TASP1: variants seen among roughly 807,000 people sequenced by gnomAD.
The protein encoded by TASP1 is threonine aspartase 1.
Under a neutral mutation model 56.6 loss-of-function variants are expected in TASP1, and 16 were observed. The ratio of observed to expected loss-of-function variants is 0.28; its 90% CI spans 0.19 to 0.43. The LOEUF is 0.43. Among genes scored for constraint, TASP1 ranks in the 20% least tolerant of loss-of-function variants. The pLI, the probability that TASP1 is intolerant of heterozygous loss-of-function variation, is 1.00. For missense variants in TASP1, 393 were observed against 511.6 expected (o/e 0.77, Z 2.24); for synonymous variants, 179 against 184.2 (o/e 0.97, Z 0.23).
At chr20:13,240,574 A>C in the TASP1 span, among the ~76,000 whole-genome samples, 5 of 152,350 alleles carry the variant, frequency 3.3e-5, no homozygotes, top group South Asian at 4.1e-4. Flanking sequence ...GAACTTGCAG[A>C]AAAAAGCAAG....
At chr20:13,636,936 C>T (rs2049332117) in intron 1 of TASP1, among the ~76,000 whole-genome samples, 1 of 152,028 alleles carries the variant, frequency 6.6e-6, no homozygotes, top group South Asian at 2.1e-4. Flanking sequence ...ATAAAGGACA[C>T]CATTCAAGAA....
At chr20:13,359,838 C>A in the TASP1 span, among the ~76,000 whole-genome samples, 18 of 151,798 alleles carry the variant, frequency 1.2e-4, no homozygotes, top group East Asian at 3.5e-3. Context: ...CCTCTTCTAT[C>A]CCCCACCTTA....
chr20:13,522,467 T>C (rs1023310935), intron 10 of TASP1, among the ~76,000 whole-genome samples: 1 of 151,988 alleles, frequency 6.6e-6, no homozygotes, highest in African/African-American at 2.4e-5. Context: ...TGTTGGTGAA[T>C]TGGATGTGCG....
rs547144352 is a variant in TASP1, at chr20:13,391,475, T to C, written c.1171-1023A>G. ...AACTTCACGCAATCCTCTCTACTTG[T>C]TCTCTAAACGAGCTTTTCCTAAGTA... On this transcript the variant is annotated intron_variant, in intron 13 of 13. Coordinates refer to ENST00000337743, the MANE Select transcript of TASP1 (RefSeq NM_017714.3). 5.6e-4 allele frequency among the ~76,000 whole-genome samples: 85 copies of C among 152,284 alleles called. 1 individual carries two copies. Among genetic ancestry groups the C allele is most frequent in the Middle Eastern group, 3.4e-3 (1 of 294 alleles).
intron 8 of TASP1, among the ~76,000 whole-genome samples, chr20:13,545,828 TG>T (rs568447576): frequency 9.9e-5 from 15 of 152,152 alleles, no homozygotes; most frequent in Non-Finnish European, 1.8e-4. Context: ...CTCATCCATT[TG>T]CAGGCCTCTG....
intron 11 of TASP1, among the ~76,000 whole-genome samples, chr20:13,455,993 G>A (rs2043819133): frequency 6.6e-6 from 1 of 152,138 alleles, no homozygotes; most frequent in African/African-American, 2.4e-5. Flanking sequence ...CAAGAGCAGA[G>A]CTTTCAATGG....
the TASP1 span, among the ~76,000 whole-genome samples, chr20:13,307,938 G>A: frequency 6.6e-6 from 1 of 152,174 alleles, no homozygotes; most frequent in Non-Finnish European, 1.5e-5. Context: ...ATTTCCATGG[G>A]GAGTGGAATT....
rs140968748 is a variant in TASP1, at chr20:13,480,852, T to G, written c.985+2375A>C. ...GGTACACAGTAGGTATACGTATTTA[T>G]GAGGTACCTGAGATGTTTTGATACA... On this transcript the variant is annotated intron_variant, in intron 11 of 13. Transcript: ENST00000337743. Among the ~76,000 whole-genome samples, 24 of 152,290 alleles carry G rather than the reference T, an allele frequency of 1.6e-4. 1 individual carries two copies. In the East Asian group the frequency reaches 4.6e-3, roughly 29 times the overall value.
chr20:13,263,422 C>T, the TASP1 span, among the ~76,000 whole-genome samples: 1 of 151,928 alleles, frequency 6.6e-6, no homozygotes, highest in Non-Finnish European at 1.5e-5. Context: ...TTCTAGAAAG[C>T]CGATTTTATG....
the TASP1 span, among the ~76,000 whole-genome samples, chr20:13,174,543 T>A: frequency 1.6e-4 from 24 of 151,956 alleles, 1 homozygote; most frequent in South Asian, 3.5e-3. Flanking sequence ...ACAAAAAATT[T>A]AAAAAATTAG....
the TASP1 span, among the ~76,000 whole-genome samples, chr20:13,118,448 G>GAAAAAAAA: frequency 9.3e-4 from 101 of 108,704 alleles, no homozygotes; most frequent in Non-Finnish European, 1.2e-3. Flanking sequence ...AGAGGTTTGT[G>GAAAAAAAA]GAAAAAAAAA....
At chr20:13,333,754 G>A in the TASP1 span, among the ~76,000 whole-genome samples, 6 of 152,120 alleles carry the variant, frequency 3.9e-5, no homozygotes, top group African/African-American at 1.4e-4. Flanking sequence ...TTCTTGCTTC[G>A]TTTTTATTAC....
chr20:13,486,116 T>C (rs1358181053), intron 10 of TASP1, among the ~76,000 whole-genome samples: 4 of 152,194 alleles, frequency 2.6e-5, no homozygotes, highest in African/African-American at 9.6e-5. Flanking sequence ...TCCTGTAGGT[T>C]CCAATCAAAG....
chr20:13,110,109 A>AAGACACAC, the TASP1 span: 3 of 1,597,746 alleles, frequency 1.9e-6, no homozygotes, highest in Non-Finnish European at 2.6e-6. Context: ...GTATTATTTA[A>AAGACACAC]AGACACACAA....
At chr20:13,389,331 T>A (rs1476000470), downstream of TASP1, 1 of 152,180 alleles carries the variant, frequency 6.6e-6, no homozygotes, top group Non-Finnish European at 1.5e-5. Flanking sequence ...AACAGCAAGA[T>A]GGATAATGGT....
chr20:13,477,729 A>C (rs1353267196), intron 11 of TASP1, among the ~76,000 whole-genome samples: 1 of 152,196 alleles, frequency 6.6e-6, no homozygotes, highest in Non-Finnish European at 1.5e-5. Context: ...CACTTAACTA[A>C]GCATTCAGTC....
the TASP1 span, among the ~76,000 whole-genome samples, chr20:13,327,212 T>C: frequency 1.3e-5 from 2 of 151,936 alleles, no homozygotes; most frequent in Non-Finnish European, 2.9e-5. Flanking sequence ...CCATTGACAA[T>C]TGCTACAAAA....
At chr20:13,267,979 T>C in the TASP1 span, among the ~76,000 whole-genome samples, 358 of 152,302 alleles carry the variant, frequency 2.4e-3, 4 homozygotes, top group African/African-American at 8.1e-3. Context: ...TCCTCCCTAA[T>C]GTTGTTGGAG....
chr20:13,248,585 C>T, the TASP1 span, among the ~76,000 whole-genome samples: 1 of 152,238 alleles, frequency 6.6e-6, no homozygotes, highest in African/African-American at 2.4e-5. Context: ...CCTCATAATA[C>T]TAATTTCTAC....
Sources: allele counts gnomAD v4.1 joint callset (sites outside exome capture counted in the v4.1 genomes callset), GRCh38; gene constraint gnomAD v4.1.1; transcripts MANE v1.5; gene names NCBI Gene and HGNC (gene_info 2026-07-23, HGNC 2026-07-21).